CPNE4: variants seen among roughly 807,000 people sequenced by gnomAD.
The protein encoded by CPNE4 is copine-4.
Under a neutral mutation model 67.9 loss-of-function variants are expected in CPNE4, and 25 were observed. That is an observed-to-expected ratio of 0.37 (90% CI 0.27 to 0.51). The LOEUF (loss-of-function observed/expected upper bound fraction) is 0.51, where lower values mean the gene tolerates loss of function less well. Among genes scored for constraint, CPNE4 ranks in the 20% least tolerant of loss-of-function variants. The pLI is 0.93. For synonymous variants in CPNE4, 242 were observed against 244.9 expected (o/e 0.99, Z 0.11); for missense variants, 464 against 690.8 (o/e 0.67, Z 3.68).
chr3:132,006,657 T>TTTA (rs1553828969), intron 1 of CPNE4, among the ~76,000 whole-genome samples: 1 of 151,656 alleles, frequency 6.6e-6, no homozygotes, highest in Admixed American at 6.6e-5. Flanking sequence ...TTCTTTCCAT[T>TTTA]TTTTTTTGTT....
At chr3:131,949,940 G>A (rs140400531) in intron 1 of CPNE4, among the ~76,000 whole-genome samples, 14 of 152,172 alleles carry the variant, frequency 9.2e-5, no homozygotes, top group African/African-American at 2.9e-4. Flanking sequence ...AGGACATTAG[G>A]ATTGTTATCT....
chr3:131,729,212 A>G (rs2082072853), intron 2 of CPNE4, among the ~76,000 whole-genome samples: 1 of 152,202 alleles, frequency 6.6e-6, no homozygotes, highest in South Asian at 2.1e-4. Context: ...GAGAGAGACA[A>G]GAGGCCCTCA....
intron 3 of CPNE4, among the ~76,000 whole-genome samples, chr3:131,701,615 G>T (rs989491967): frequency 2.6e-5 from 4 of 152,132 alleles, no homozygotes; most frequent in Non-Finnish European, 4.4e-5. Flanking sequence ...AGACCATGTG[G>T]CAAGAAACTG....
chr3:131,759,953 G>A (rs143986911), intron 2 of CPNE4, among the ~76,000 whole-genome samples: 16 of 152,248 alleles, frequency 1.1e-4, no homozygotes, highest in East Asian at 3.9e-4. Context: ...TCTGGCATCC[G>A]TTTTATAGGA....
At chr3:132,021,405 CTA>C (rs4018005) in intron 1 of CPNE4, among the ~76,000 whole-genome samples, 28,498 of 151,962 alleles carry the variant, frequency 0.19, 3,449 homozygotes, top group East Asian at 0.39. Context: ...TTTTTGAACC[CTA>C]TATATGTTTC....
chr3:131,923,704 CAAAAAAAAAA>C (rs3041574), intron 1 of CPNE4, among the ~76,000 whole-genome samples: 3 of 39,288 alleles, frequency 7.6e-5, no homozygotes, highest in Admixed American at 4.4e-4. Context: ...GACTCCGTCT[CAAAAAAAAAA>C]AAAAAAAAAA....
chr3:131,602,817 T>C (rs1458995616), intron 7 of CPNE4, among the ~76,000 whole-genome samples: 8 of 152,182 alleles, frequency 5.3e-5, no homozygotes, highest in Non-Finnish European at 1.5e-5. Context: ...GTAATATCTA[T>C]GTGAGAACCA....
At chr3:132,033,819 G>T (rs2074291774) in intron 1 of CPNE4, among the ~76,000 whole-genome samples, 1 of 152,160 alleles carries the variant, frequency 6.6e-6, no homozygotes, top group African/African-American at 2.4e-5. Flanking sequence ...ATCTCCATTG[G>T]ATTCAGCCCT....
chr3:131,667,186 C>T (rs1188029629), intron 7 of CPNE4, among the ~76,000 whole-genome samples: 1 of 151,826 alleles, frequency 6.6e-6, no homozygotes, highest in Non-Finnish European at 1.5e-5. Context: ...CTAAAAAGTT[C>T]GTTGCTTTCT....
At chr3:131,777,865 G>C (rs2083328782) in intron 2 of CPNE4, among the ~76,000 whole-genome samples, 1 of 152,012 alleles carries the variant, frequency 6.6e-6, no homozygotes, top group Admixed American at 6.6e-5. Flanking sequence ...CAGGCCTGGA[G>C]GTGAAATACT....
At chr3:131,970,009 C>A (rs1383937632) in intron 1 of CPNE4, among the ~76,000 whole-genome samples, 1 of 152,146 alleles carries the variant, frequency 6.6e-6, no homozygotes, top group Non-Finnish European at 1.5e-5. Context: ...ATAATTGGTG[C>A]TGTTTACGAA....
chr3:131,677,042 GT>G (rs57278305), intron 6 of CPNE4, among the ~76,000 whole-genome samples: 37 of 145,302 alleles, frequency 2.5e-4, no homozygotes, highest in Middle Eastern at 3.5e-3. Context: ...TCCGGCATCT[GT>G]TTTTTTTTTT....
chr3:131,756,661 G>A (rs2082757997), intron 2 of CPNE4, among the ~76,000 whole-genome samples: 1 of 152,214 alleles, frequency 6.6e-6, no homozygotes, highest in African/African-American at 2.4e-5. Flanking sequence ...TTGGCACTGG[G>A]CCATTAGTGA....
At chr3:131,811,972 G>A (rs745851792) in intron 2 of CPNE4, among the ~76,000 whole-genome samples, 1 of 152,150 alleles carries the variant, frequency 6.6e-6, no homozygotes, top group Non-Finnish European at 1.5e-5. Context: ...CACTATTGCA[G>A]GGTATTGCTT....
chr3:131,869,146 G>C (rs1472833819), intron 2 of CPNE4, among the ~76,000 whole-genome samples: 1 of 151,970 alleles, frequency 6.6e-6, no homozygotes, highest in Non-Finnish European at 1.5e-5. Context: ...CTCCATATCA[G>C]CTCTAGTTCT....
chr3:131,714,657 T>C (rs545031751), intron 3 of CPNE4, among the ~76,000 whole-genome samples: 85 of 152,290 alleles, frequency 5.6e-4, no homozygotes, highest in African/African-American at 1.9e-3. Flanking sequence ...ACCTGCAGAA[T>C]AAGCATCACC....
At chr3:131,544,416 T>C (rs1009147229) in intron 14 of CPNE4, among the ~76,000 whole-genome samples, 1 of 152,222 alleles carries the variant, frequency 6.6e-6, no homozygotes, top group African/African-American at 2.4e-5. Context: ...GTGATGAAGA[T>C]AGCCACATGT....
intron 2 of CPNE4, among the ~76,000 whole-genome samples, chr3:131,870,365 G>A (rs1005760774): frequency 1.3e-5 from 2 of 152,100 alleles, no homozygotes; most frequent in African/African-American, 2.4e-5. Flanking sequence ...CGGTCTTGTC[G>A]ACAGAAGCCA....
At chr3:131,620,372 T>C (rs745401929) in intron 7 of CPNE4, 1 of 734,788 alleles carries the variant, frequency 1.4e-6, no homozygotes, top group Non-Finnish European at 1.7e-6. Context: ...ATTGACAAAC[T>C]AGGCTACGGT....
Sources: allele counts gnomAD v4.1 joint callset (sites outside exome capture counted in the v4.1 genomes callset), GRCh38; gene constraint gnomAD v4.1.1; transcripts MANE v1.5; gene names NCBI Gene and HGNC (gene_info 2026-07-23, HGNC 2026-07-21).